Variants in ASAP2 observed in about 807,000 individuals in gnomAD.
The protein encoded by ASAP2 is ArfGAP with SH3 domain, ankyrin repeat and PH domain 2, also known as arf-GAP with SH3 domain, ANK repeat and PH domain-containing protein 2.
ASAP2 carries 45 observed loss-of-function variants against 131.4 expected under a neutral mutation model. The ratio of observed to expected loss-of-function variants is 0.34; its 90% confidence interval spans 0.27 to 0.44. The LOEUF (loss-of-function observed/expected upper bound fraction) is 0.44. Among genes scored for constraint, ASAP2 ranks in the 20% least tolerant of loss-of-function variants. ASAP2 has a pLI of 1.00. For missense variants in ASAP2, 1,011 were observed against 1,297.0 expected (o/e 0.78, Z 3.39); for synonymous variants, 510 against 503.0 (o/e 1.01, Z -0.19).
intron 6 of ASAP2, among the ~76,000 whole-genome samples, chr2:9,325,737 G>GA (rs1223786417): frequency 6.6e-6 from 1 of 152,172 alleles, no homozygotes; most frequent in African/African-American, 2.4e-5. Context: ...TATTTTAATG[G>GA]AAATACACTG....
chr2:9,210,249 A>G (rs1269941655), intron 1 of ASAP2, among the ~76,000 whole-genome samples: 5 of 152,266 alleles, frequency 3.3e-5, no homozygotes, highest in South Asian at 2.1e-4. Context: ...GTTCAAGTTC[A>G]GGCTCTACAG....
intron 3 of ASAP2, among the ~76,000 whole-genome samples, chr2:9,312,668 T>G (rs1180894611): frequency 6.6e-6 from 1 of 152,124 alleles, no homozygotes; most frequent in East Asian, 1.9e-4. Context: ...GCTCTCAGAG[T>G]TTCCACTTGG....
intron 14 of ASAP2, 72 bp downstream of exon 14, chr2:9,356,417 C>A: frequency 6.9e-7 from 1 of 1,442,778 alleles, no homozygotes; most frequent in South Asian, 1.4e-5. Flanking sequence ...AGAATCCGTT[C>A]ATTGATTTTC....
In ASAP2 at chr2:9,207,127, C is replaced by A; in HGVS notation, c.23C>A (p.Ser8Ter). 1 of 1,596,964 alleles carries A rather than the reference C, an allele frequency of 6.3e-7. No individual in the cohort carries two copies. The highest frequency in any genetic ancestry group is 1.1e-5 in the South Asian group (1 of 89,104). Residue 8 changes from serine (S) to a stop codon, truncating the protein, a stop_gained, in exon 1 of 28, where the codon TCG becomes TAG. Coordinates refer to ENST00000281419, the MANE Select transcript of ASAP2 (RefSeq NM_003887.3). LOFTEE classifies it high-confidence loss of function. This position sits in a 1 kb window ranked among gnomAD's most constrained non-coding sequence, Gnocchi z 4.1. MPDQISV[S>*]EFVAETHEDY... The stretch of plus-strand genomic sequence containing the variant: ...GCGATGCCGGACCAGATCTCCGTGT[C>A]GGAATTCGTGGCCGAGACCCATGAG...
At chr2:9,279,501 G>A (rs1219086095) in intron 2 of ASAP2, 112 bp downstream of exon 2, 10 of 945,972 alleles carry the variant, frequency 1.1e-5, no homozygotes, top group East Asian at 2.5e-5. Flanking sequence ...CTCCTTTATC[G>A]GGGCATGCAG....
intron 7 of ASAP2, among the ~76,000 whole-genome samples, chr2:9,330,479 T>C (rs2148542661): frequency 6.6e-6 from 1 of 152,220 alleles, no homozygotes; most frequent in East Asian, 1.9e-4. Context: ...GTTATTCTGG[T>C]GATGGATACC....
chr2:9,382,345 A>G (rs1674930502), intron 20 of ASAP2, among the ~76,000 whole-genome samples: 1 of 152,198 alleles, frequency 6.6e-6, no homozygotes, highest in Admixed American at 6.5e-5. Flanking sequence ...CTCATTTTAC[A>G]GATGAGGACA....
At position 9,246,937 on chromosome 2, in the gene ASAP2, C is replaced by A. The variant is rs1664380815; in HGVS notation, c.127-32380C>A. 1.3e-5 allele frequency among the ~76,000 whole-genome samples: 2 copies of A among 152,162 alleles called. 1 individual carries two copies. Among genetic ancestry groups the A allele is most frequent in the South Asian group, 4.1e-4 (2 of 4,822 alleles). Reference sequence around the variant, plus strand: ...CTCACTGCAGCCTTGACCTCCTGGACTCAAGCTATCCTCCTACTTCAGCCT... The same window carrying A: ...CTCACTGCAGCCTTGACCTCCTGGAATCAAGCTATCCTCCTACTTCAGCCT... On this transcript the variant is annotated intron_variant, in intron 1 of 27. Coordinates refer to ENST00000281419, the MANE Select transcript of ASAP2 (RefSeq NM_003887.3).
intron 1 of ASAP2, among the ~76,000 whole-genome samples, chr2:9,211,513 T>G (rs1661558668): frequency 6.6e-6 from 1 of 152,232 alleles, no homozygotes; most frequent in Non-Finnish European, 1.5e-5. Context: ...GCACCATCCA[T>G]TCTGCCTTAC....
At chr2:9,379,270 C>T (rs1558385232) in intron 19 of ASAP2, among the ~76,000 whole-genome samples, 2 of 152,330 alleles carry the variant, frequency 1.3e-5, no homozygotes, top group East Asian at 1.9e-4. Flanking sequence ...ACTTTGGGCG[C>T]GTTTACAGGC....
chr2:9,214,149 A>T (rs190092467), intron 1 of ASAP2, among the ~76,000 whole-genome samples: 414 of 152,202 alleles, frequency 2.7e-3, no homozygotes, highest in African/African-American at 9.7e-3. Flanking sequence ...CGTGATATGA[A>T]CCTACCTCCT....
At chr2:9,313,148 C>T (rs1015494848) in intron 3 of ASAP2, among the ~76,000 whole-genome samples, 8 of 152,194 alleles carry the variant, frequency 5.3e-5, no homozygotes, top group African/African-American at 1.9e-4. Flanking sequence ...AGAGGTCACA[C>T]TCACTGCTGA....
In ASAP2 at chr2:9,318,983, C is replaced by A. The variant is rs139600571; in HGVS notation, c.420+385C>A. ...AAGGATCCTAGCAAGGGTGTATTTT[C>A]CTGCTGGGAAGGTCGCAGTCGTCAG... On this transcript the variant is annotated intron_variant, in intron 4 of 27. Transcript: ENST00000281419. Among the ~76,000 whole-genome samples the A allele has an allele frequency of 5.9e-5, 9 of 152,034 alleles. No individual in the cohort carries two copies. In the East Asian group the frequency reaches 1.7e-3, roughly 29 times the overall value.
rs1677075931 is a variant in ASAP2 at position 9,404,816 on chromosome 2, G to T, written c.*1489G>T. The T allele has an allele frequency of 6.6e-6, 1 of 151,360 alleles. No individual in the cohort carries two copies. 9.4% of individuals were successfully genotyped at this position (151,360 alleles called of 1,614,324 possible). A position where few individuals can be genotyped will look rare whatever the true frequency, so the allele number is the denominator to read the frequency against. ...ACAAACTGGAATGTTTTATGATGTT[G>T]TATAGCAATCGCTTTTTACCTTTCA... On this transcript the variant is annotated 3_prime_UTR_variant, in exon 28 of 28. Transcript: ENST00000281419.
At chr2:9,258,109 A>G (rs1191282957) in intron 1 of ASAP2, among the ~76,000 whole-genome samples, 1 of 152,138 alleles carries the variant, frequency 6.6e-6, no homozygotes, top group Admixed American at 6.6e-5. Context: ...ATATACGGAC[A>G]TACACATTTC....
At chr2:9,336,015 G>C (rs1310704228) in intron 9 of ASAP2, 1 of 152,002 alleles carries the variant, frequency 6.6e-6, no homozygotes, top group Non-Finnish European at 1.5e-5. Context: ...TCCCAAATGC[G>C]TTTACCTTTT....
intron 16 of ASAP2, 57 bp from the exon 17 acceptor site, chr2:9,374,698 G>C (rs1325775516): frequency 1.3e-6 from 2 of 1,498,546 alleles, no homozygotes; most frequent in Non-Finnish European, 1.8e-6. Context: ...ACAAAGGGAG[G>C]CCGGACGGCG....
chr2:9,336,955 T>C (rs1487795758), intron 9 of ASAP2, among the ~76,000 whole-genome samples: 2 of 152,260 alleles, frequency 1.3e-5, no homozygotes, highest in Non-Finnish European at 2.9e-5. Flanking sequence ...AATGGCCCTC[T>C]GGGCACAGTG....
chr2:9,321,073 TGTG>T (rs970398078), intron 5 of ASAP2, among the ~76,000 whole-genome samples: 1 of 152,158 alleles, frequency 6.6e-6, no homozygotes, highest in Non-Finnish European at 1.5e-5. Flanking sequence ...AGATATGAAA[TGTG>T]GTGTTTACTT....
Sources: allele counts gnomAD v4.1 joint callset (sites outside exome capture counted in the v4.1 genomes callset), GRCh38; gene constraint gnomAD v4.1.1; non-coding constraint Gnocchi (gnomAD v3.1); transcripts MANE v1.5; gene names NCBI Gene and HGNC (gene_info 2026-07-23, HGNC 2026-07-21).